The following TSNARE1 variants were observed in gnomAD, a reference collection of about 807,000 sequenced individuals.
TSNARE1 encodes the protein t-SNARE domain containing 1, also known as t-SNARE domain-containing protein 1.
In TSNARE1, 49 loss-of-function variants were observed where a neutral mutation model predicts 62.0. The ratio of observed to expected loss-of-function variants is 0.79; its 90% CI spans 0.63 to 1.00. The LOEUF (loss-of-function observed/expected upper bound fraction) is 1.00. TSNARE1 is among the 50% of genes least tolerant of loss of function. The pLI is 0.00. For missense variants in TSNARE1, 755 were observed against 700.1 expected, an observed-to-expected ratio of 1.08 and a Z score of -0.88; for synonymous variants, 328 against 294.4, an observed-to-expected ratio of 1.11 and a Z score of -1.17.
At chr8:142,356,256 G>C (rs1015680960) in intron 1 of TSNARE1, among the ~76,000 whole-genome samples, 2 of 152,196 alleles carry the variant, frequency 1.3e-5, no homozygotes, top group Non-Finnish European at 2.9e-5. Flanking sequence ...GCCCCACGCA[G>C]AGAGGCAGCA....
intron 10 of TSNARE1, among the ~76,000 whole-genome samples, chr8:142,294,996 T>A (rs1259024350): frequency 6.6e-6 from 1 of 152,102 alleles, no homozygotes; most frequent in Non-Finnish European, 1.5e-5. Flanking sequence ...CCTGGGAGGC[T>A]CGGGGCTCCA....
chr8:142,217,812 C>CTCAGA (rs1815958243), intron 13 of TSNARE1, among the ~76,000 whole-genome samples: 2 of 97,484 alleles, frequency 2.1e-5, no homozygotes, highest in African/African-American at 4.4e-5. Flanking sequence ...CCAGGATCAG[C>CTCAGA]GTTCAGGGTG....
intron 1 of TSNARE1, among the ~76,000 whole-genome samples, chr8:142,377,609 T>C (rs1448112001): frequency 1.3e-5 from 2 of 152,162 alleles, no homozygotes; most frequent in African/African-American, 2.4e-5. Flanking sequence ...AGCCAGAGGA[T>C]GCCAGCACCT....
At chr8:142,379,714 G>A (rs980907343) in intron 1 of TSNARE1, among the ~76,000 whole-genome samples, 20 of 152,300 alleles carry the variant, frequency 1.3e-4, no homozygotes, top group African/African-American at 4.3e-4. Flanking sequence ...AAGCCCCCAA[G>A]TCAGGTGTAG....
At chr8:142,387,770 G>A (rs557121063) in intron 1 of TSNARE1, among the ~76,000 whole-genome samples, 9 of 152,078 alleles carry the variant, frequency 5.9e-5, no homozygotes, top group Non-Finnish European at 1.3e-4. Context: ...TCCTCAAAAC[G>A]AAAACAAAAC....
intron 11 of TSNARE1, among the ~76,000 whole-genome samples, chr8:142,282,899 C>T (rs1245470564): frequency 5.3e-5 from 7 of 131,182 alleles, no homozygotes; most frequent in African/African-American, 2.1e-4. Flanking sequence ...TGAGCAGAGG[C>T]GGGGCCAGTG....
At chr8:142,240,030 T>G (rs1419435140) in intron 12 of TSNARE1, among the ~76,000 whole-genome samples, 22 of 152,166 alleles carry the variant, frequency 1.4e-4, no homozygotes, top group Admixed American at 1.4e-3. Context: ...AATAATGGAT[T>G]AAACTCGCCA....
chr8:142,321,006 A>G (rs1219995421), intron 6 of TSNARE1, among the ~76,000 whole-genome samples: 1 of 152,170 alleles, frequency 6.6e-6, no homozygotes, highest in African/African-American at 2.4e-5. Context: ...AACTGTTAGC[A>G]CCATGCAGGA....
chr8:142,399,656 G>A (rs908871307), intron 1 of TSNARE1, among the ~76,000 whole-genome samples: 4 of 152,102 alleles, frequency 2.6e-5, no homozygotes, highest in African/African-American at 9.7e-5. Flanking sequence ...TTAGTCTTTT[G>A]GTCACCACTG....
Position 142,300,752 on chromosome 8 carries a change from G to A in TSNARE1, c.1132-108C>T, listed in dbSNP as rs188857875. ...GCTTTTCCCTTCACTATCCCCATCT[G>A]CTCTCTGAGGGGACGATCTGGGTCT... On this transcript the variant is annotated intron_variant, in intron 9 of 13. Coordinates refer to ENST00000524325, the MANE Select transcript of TSNARE1 (RefSeq NM_145003.5). 116 of 1,129,214 alleles carry A rather than the reference G, an allele frequency of 1.0e-4. No individual in the cohort carries two copies. In the African/African-American group the frequency reaches 1.4e-3, roughly 14 times the overall value. 69.9% of individuals were successfully genotyped at this position (1,129,214 alleles called of 1,614,324 possible). A position where few individuals can be genotyped will look rare whatever the true frequency, so the allele number is the denominator to read the frequency against.
chr8:142,261,715 C>G (rs556153439), intron 12 of TSNARE1, among the ~76,000 whole-genome samples: 1 of 152,236 alleles, frequency 6.6e-6, no homozygotes, highest in South Asian at 2.1e-4. Flanking sequence ...TGCGTTTTCC[C>G]GGCCTTCCTG....
At chr8:142,386,192 C>A (rs987008931) in intron 1 of TSNARE1, among the ~76,000 whole-genome samples, 1 of 152,136 alleles carries the variant, frequency 6.6e-6, no homozygotes, top group African/African-American at 2.4e-5. Context: ...TCTGCAAAGA[C>A]CCTTTTGCCA....
chr8:142,217,303 A>AAGAAAAAG (rs1417182456), intron 13 of TSNARE1, among the ~76,000 whole-genome samples: 2 of 126,646 alleles, frequency 1.6e-5, no homozygotes, highest in Non-Finnish European at 3.2e-5. Context: ...GAAAGAAAGA[A>AAGAAAAAG]AAAGAAAGAA....
At chr8:142,396,261 G>A (rs903086169) in intron 1 of TSNARE1, among the ~76,000 whole-genome samples, 4 of 151,840 alleles carry the variant, frequency 2.6e-5, no homozygotes, top group Non-Finnish European at 5.9e-5. Context: ...GCACACACCC[G>A]CGCACCTGGC....
intron 13 of TSNARE1, among the ~76,000 whole-genome samples, chr8:142,217,942 A>ACCAGGCTCAGGCTCAGGGTG (rs1815984121): frequency 3.2e-5 from 1 of 31,002 alleles, no homozygotes; most frequent in Admixed American, 2.9e-4. Context: ...GGCTCAGAGT[A>ACCAGGCTCAGGCTCAGGGTG]TGAGCAGGAT....
chr8:142,221,857 CCACT>C (rs540512351), intron 13 of TSNARE1, among the ~76,000 whole-genome samples: 981 of 87,688 alleles, frequency 0.011, 38 homozygotes, highest in African/African-American at 0.037. Flanking sequence ...ACTCACTCAT[CCACT>C]CACTCATTCA....
chr8:142,332,759 A>T (rs951785371), intron 4 of TSNARE1, among the ~76,000 whole-genome samples: 3 of 152,128 alleles, frequency 2.0e-5, no homozygotes, highest in African/African-American at 7.2e-5. Context: ...AGAGGAGCAG[A>T]GCACACATCA....
In TSNARE1 at chr8:142,274,788, C is replaced by A. The variant is rs774539364; in HGVS notation, c.1439G>T (p.Arg480Leu). 1 of 1,570,236 alleles carries A rather than the reference C, an allele frequency of 6.4e-7. No individual in the cohort carries two copies. Among genetic ancestry groups the A allele is most frequent in the Non-Finnish European group, 8.6e-7 (1 of 1,158,666 alleles). ...AARQLLAGASRHQLQRHKIKC... is the reference protein window; with the variant it reads ...AARQLLAGASLHQLQRHKIKC... Reference sequence around the variant, plus strand: ...GCCCTCACACGGACTTACTTGGTGCCGGCTGGCTCCAGCCAGGAGCTGGCG... The same window carrying A: ...GCCCTCACACGGACTTACTTGGTGCAGGCTGGCTCCAGCCAGGAGCTGGCG... The change falls in exon 12 of 14, where the codon CGG (arginine) becomes CTG (leucine). Residue 480 changes from arginine to leucine, a missense_variant. By Grantham distance (102) the Arg-to-Leu change is moderately radical (BLOSUM62 -2). Coordinates refer to ENST00000524325, the MANE Select transcript of TSNARE1 (RefSeq NM_145003.5).
intron 13 of TSNARE1, among the ~76,000 whole-genome samples, chr8:142,228,243 T>A (rs1378382347): frequency 1.3e-5 from 2 of 152,228 alleles, no homozygotes; most frequent in Non-Finnish European, 2.9e-5. Context: ...AAACATTGAT[T>A]TGGTTTCAGC....
Sources: gnomAD v4.1 joint callset for allele counts (sites outside exome capture counted in the v4.1 genomes callset) on GRCh38, gnomAD v4.1.1 for gene constraint, MANE v1.5 for transcripts, NCBI Gene and HGNC (gene_info 2026-07-23, HGNC 2026-07-21) for gene names.